The following DIXDC1 variants were observed in gnomAD, a reference collection of about 807,000 sequenced individuals.
DIXDC1 encodes the protein DIX domain containing 1.
A neutral mutation model predicts 103.1 loss-of-function variants in DIXDC1; 64 were observed. That is an observed-to-expected ratio of 0.62 (90% confidence interval 0.51 to 0.76). DIXDC1 has a LOEUF of 0.76. Among genes scored for constraint, DIXDC1 ranks in the 30% least tolerant of loss-of-function variants. The pLI is 0.00. For missense variants in DIXDC1, 759 were observed against 834.2 expected, an observed-to-expected ratio of 0.91 and a Z score of 1.11; for synonymous variants, 266 against 298.5, an observed-to-expected ratio of 0.89 and a Z score of 1.12.
At chr11:112,015,087 GT>G (rs1861545787) in intron 17 of DIXDC1, among the ~76,000 whole-genome samples, 1 of 152,064 alleles carries the variant, frequency 6.6e-6, no homozygotes, top group African/African-American at 2.4e-5. Flanking sequence ...GTTTCACCAT[GT>G]TGCCCAGGCT....
chr11:111,958,057 G>A lies in DIXDC1; in HGVS notation c.61-6492G>A, dbSNP rs587685256. On this transcript the variant is annotated intron_variant, in intron 1 of 19. Transcript: ENST00000440460. This position sits in a 1 kb window ranked among gnomAD's most constrained non-coding sequence, Gnocchi z 4.2. ...CTGTCCAGCTGTAGCTGCAGACCTG[G>A]GCATCCCTGTGCTCTTGGGGGCCAG... 2.6e-5 allele frequency among the ~76,000 whole-genome samples: 4 copies of A among 152,230 alleles called. No individual in the cohort carries two copies. The South Asian group carries it at 6.2e-4, about 24-fold the overall frequency.
intron 17 of DIXDC1, among the ~76,000 whole-genome samples, chr11:112,006,724 T>G (rs1057020657): frequency 3.9e-5 from 6 of 152,220 alleles, no homozygotes; most frequent in Non-Finnish European, 7.4e-5. Flanking sequence ...ACCTGACTGT[T>G]AGAAGGAAAA....
chr11:111,996,174 A>C lies in DIXDC1; in HGVS notation c.1756+28A>C, dbSNP rs781992160. 19 of 1,596,854 alleles carry C rather than the reference A, an allele frequency of 1.2e-5. 1 individual carries two copies. The South Asian group carries it at 2.1e-4, about 18-fold the overall frequency. On this transcript the variant is annotated intron_variant, in intron 17 of 19. Coordinates refer to ENST00000440460, the MANE Select transcript of DIXDC1 (RefSeq NM_001037954.4). ...AAGTACCCATTTTTGCTCAGTAGGG[A>C]CTCCTAGCATATTAGACCAGAAATT... is the stretch of plus-strand genomic sequence containing the variant.
intron 17 of DIXDC1, among the ~76,000 whole-genome samples, chr11:112,004,633 C>G (rs1380970676): frequency 6.6e-6 from 1 of 152,182 alleles, no homozygotes; most frequent in African/African-American, 2.4e-5. Context: ...CAATTAGGAG[C>G]AGTGGACTGC....
At position 111,977,787 on chromosome 11, in the gene DIXDC1, G is replaced by A. The variant is rs370062447; in HGVS notation, c.656+2804G>A. 7 of 1,565,632 alleles carry A rather than the reference G, an allele frequency of 4.5e-6. No individual in the cohort carries two copies. The highest frequency in any genetic ancestry group is 6.1e-6 in the Non-Finnish European group (7 of 1,155,748). ...GAGGGGGACCATGGGAGGGACGCAA[G>A]TCAAATGGTGAGCTGAAGCCACTCT... is the stretch of plus-strand genomic sequence containing the variant. On this transcript the variant is annotated intron_variant, in intron 5 of 19. Transcript: ENST00000440460. The surrounding 1 kb of genome is among the most constrained non-coding windows in gnomAD (Gnocchi z 6.1).
intron 19 of DIXDC1, among the ~76,000 whole-genome samples, chr11:112,018,645 C>A (rs1861669066): frequency 6.6e-6 from 1 of 152,172 alleles, no homozygotes; most frequent in Non-Finnish European, 1.5e-5. Flanking sequence ...TCCACTTTCT[C>A]ATTTTTAAAA....
chr11:111,928,841 T>A (rs997019815), intron 1 of DIXDC1, among the ~76,000 whole-genome samples: 1 of 152,114 alleles, frequency 6.6e-6, no homozygotes, highest in Non-Finnish European at 1.5e-5. Context: ...AATAAGATGA[T>A]GTAGATGATA....
At position 111,977,217 on chromosome 11, in the gene DIXDC1, C is replaced by G. The variant is rs997400874; in HGVS notation, c.656+2234C>G. The G allele has an allele frequency of 2.1e-6, 2 of 951,928 alleles. No individual in the cohort carries two copies. The highest frequency in any genetic ancestry group is 2.5e-4 in the East Asian group (2 of 8,052). 59.0% of individuals were successfully genotyped at this position (951,928 alleles called of 1,614,324 possible). A position where few individuals can be genotyped will look rare whatever the true frequency, so the allele number is the denominator to read the frequency against. ...ACCCTCAACCTCCGTCCAGAGCGGT[C>G]GGTTGGCCAGCGGAGCTGGCTTGGG... On this transcript the variant is annotated intron_variant, in intron 5 of 19. Transcript: ENST00000440460. This position sits in a 1 kb window ranked among gnomAD's most constrained non-coding sequence, Gnocchi z 6.1.
chr11:111,941,995 G>A (rs1010877062), intron 1 of DIXDC1, among the ~76,000 whole-genome samples: 10 of 152,142 alleles, frequency 6.6e-5, no homozygotes, highest in Admixed American at 5.2e-4. Flanking sequence ...TAGCGGTGGC[G>A]TCAACACTGG....
At chr11:111,988,884 T>C (rs587623842) in intron 9 of DIXDC1, 121 bp from the exon 10 acceptor site, 1 of 782,102 alleles carries the variant, frequency 1.3e-6, no homozygotes, top group African/African-American at 1.7e-5. Context: ...TCTGCCTTAG[T>C]AGAGGGTTAA....
chr11:111,980,969 T>G, intron 6 of DIXDC1, 120 bp downstream of exon 6: 1 of 738,354 alleles, frequency 1.4e-6, no homozygotes, highest in East Asian at 2.7e-5. Context: ...GCGTGCAGGG[T>G]CAGCACTAGA....
intron 17 of DIXDC1, among the ~76,000 whole-genome samples, chr11:112,004,118 A>T (rs1861161311): frequency 1.3e-5 from 2 of 150,262 alleles, no homozygotes; most frequent in South Asian, 4.2e-4. Context: ...ATATGTGTAT[A>T]TATATATGTG....
Position 111,977,160 on chromosome 11 carries a change from C to CAA in DIXDC1, c.656+2177_656+2178insAA. Reference sequence around the variant, plus strand: ...CCCTCGTCGACGTCCCCACCCCCACCTCCACCCCGCCCAGCCCCGCCCCTG... The same window carrying CAA: ...CCCTCGTCGACGTCCCCACCCCCACCAATCCACCCCGCCCAGCCCCGCCCCTG... On this transcript the variant is annotated intron_variant, in intron 5 of 19. Coordinates refer to ENST00000440460, the MANE Select transcript of DIXDC1 (RefSeq NM_001037954.4). The surrounding 1 kb of genome is among the most constrained non-coding windows in gnomAD (Gnocchi z 6.1). The CAA allele has an allele frequency of 2.8e-6, 2 of 711,588 alleles. No individual in the cohort carries two copies. The highest frequency in any genetic ancestry group is 3.5e-6 in the Non-Finnish European group (2 of 579,402). 44.1% of individuals were successfully genotyped at this position (711,588 alleles called of 1,614,324 possible).
chr11:111,955,070 T>C (rs375562734), intron 1 of DIXDC1, among the ~76,000 whole-genome samples: 30 of 152,156 alleles, frequency 2.0e-4, no homozygotes, highest in African/African-American at 6.7e-4. Flanking sequence ...AGCACACCTA[T>C]CACCCAAATC....
At chr11:111,938,523 G>T (rs1158144831) in intron 1 of DIXDC1, among the ~76,000 whole-genome samples, 2 of 152,064 alleles carry the variant, frequency 1.3e-5, no homozygotes, top group East Asian at 3.8e-4. Context: ...CTCAACATAT[G>T]AATACATTGT....
intron 9 of DIXDC1, 27 bp from the exon 10 acceptor site, chr11:111,988,978 T>C (rs1860598629): frequency 6.2e-7 from 1 of 1,603,696 alleles, no homozygotes; most frequent in Non-Finnish European, 8.5e-7. Context: ...GATGTCACCA[T>C]CTGATCTAAC....
intron 1 of DIXDC1, among the ~76,000 whole-genome samples, chr11:111,939,368 G>C (rs1320681566): frequency 6.6e-6 from 1 of 152,216 alleles, no homozygotes; most frequent in Non-Finnish European, 1.5e-5. Context: ...AAGGGGAATG[G>C]GAGAGTGGTC....
At chr11:111,942,242 C>G (rs1043716378) in intron 1 of DIXDC1, among the ~76,000 whole-genome samples, 3 of 152,164 alleles carry the variant, frequency 2.0e-5, no homozygotes, top group Admixed American at 6.5e-5. Flanking sequence ...TTATGTTCCT[C>G]GTGGTGAGTG....
intron 17 of DIXDC1, among the ~76,000 whole-genome samples, chr11:112,009,724 A>G (rs941560910): frequency 2.6e-5 from 4 of 152,246 alleles, no homozygotes; most frequent in Non-Finnish European, 4.4e-5. Flanking sequence ...GATTATCTCA[A>G]TAGATGCAGA....
Sources: gnomAD v4.1 joint callset for allele counts (sites outside exome capture counted in the v4.1 genomes callset) on GRCh38, gnomAD v4.1.1 for gene constraint, Gnocchi (gnomAD v3.1) non-coding constraint, MANE v1.5 for transcripts, NCBI Gene and HGNC (gene_info 2026-07-23, HGNC 2026-07-21) for gene names.